Variants in NRXN3 observed in about 807,000 individuals in gnomAD.
NRXN3 encodes the protein neurexin 3, also known as neurexin III.
NRXN3 carries 32 observed loss-of-function variants against 137.6 expected under a neutral mutation model. That is an observed-to-expected ratio of 0.23 (90% CI 0.18 to 0.31). NRXN3 has a LOEUF of 0.31. Ranked by LOEUF, NRXN3 falls within the 10% of genes least tolerant of loss-of-function variation. The pLI, the probability that NRXN3 is intolerant of heterozygous loss-of-function variation, is 1.00. For missense variants in NRXN3, 1,574 were observed against 2,062.5 expected, an observed-to-expected ratio of 0.76 and a Z score of 4.59; for synonymous variants, 798 against 784.5, an observed-to-expected ratio of 1.02 and a Z score of -0.29.
chr14:78,493,652 T>C (rs998444721), intron 4 of NRXN3, among the ~76,000 whole-genome samples: 2 of 152,138 alleles, frequency 1.3e-5, no homozygotes, highest in African/African-American at 4.8e-5. Flanking sequence ...ATCCTGCTGG[T>C]ATTTAATGGA....
intron 4 of NRXN3, among the ~76,000 whole-genome samples, chr14:78,589,543 C>T (rs891255537): frequency 6.6e-6 from 1 of 152,224 alleles, no homozygotes; most frequent in African/African-American, 2.4e-5. Flanking sequence ...CCCCTCCTGC[C>T]TCTGGCGGTC....
chr14:79,262,038 AAC>A (rs1181653277), intron 15 of NRXN3, among the ~76,000 whole-genome samples: 5 of 152,066 alleles, frequency 3.3e-5, no homozygotes, highest in Non-Finnish European at 7.4e-5. Flanking sequence ...AGAGAAGGGA[AAC>A]ACAGGGGAAG....
intron 15 of NRXN3, among the ~76,000 whole-genome samples, chr14:79,350,975 A>G (rs2093178281): frequency 6.6e-6 from 1 of 152,216 alleles, no homozygotes; most frequent in Admixed American, 6.5e-5. Flanking sequence ...CTCAATTTAC[A>G]GAAGAAGAAA....
chr14:78,882,445 C>G (rs1392564204), intron 10 of NRXN3, among the ~76,000 whole-genome samples: 1 of 151,778 alleles, frequency 6.6e-6, no homozygotes, highest in Non-Finnish European at 1.5e-5. Context: ...GCAGTGCTGT[C>G]CAAGCCATGG....
intron 10 of NRXN3, among the ~76,000 whole-genome samples, chr14:78,871,330 A>G (rs183645575): frequency 6.6e-6 from 1 of 152,066 alleles, no homozygotes; most frequent in East Asian, 1.9e-4. Flanking sequence ...AATATGTCTG[A>G]AAATCTCTCA....
chr14:79,157,142 C>T lies in NRXN3; in HGVS notation c.3262+169001C>T, dbSNP rs11623426. Among the ~76,000 whole-genome samples the T allele has an allele frequency of 3.7e-3, 561 of 151,918 alleles. 3 individuals carry two copies. Among genetic ancestry groups the T allele is most frequent in the Middle Eastern group, 0.01 (3 of 294 alleles). On this transcript the variant is annotated intron_variant, in intron 15 of 20. Transcript: ENST00000335750. Reference sequence around the variant, plus strand: ...TTGTCCTTTAGTAAAGGTTCCTTCTCTGCTTAGAGACAGGACATGCTTAGA... The same window carrying T: ...TTGTCCTTTAGTAAAGGTTCCTTCTTTGCTTAGAGACAGGACATGCTTAGA...
intron 15 of NRXN3, among the ~76,000 whole-genome samples, chr14:79,450,774 G>A (rs942739644): frequency 9.2e-5 from 14 of 151,882 alleles, no homozygotes; most frequent in African/African-American, 2.9e-4. Context: ...GCTGAGGCAC[G>A]AGAATCACTT....
chr14:79,606,360 G>T (rs111563805), intron 16 of NRXN3, among the ~76,000 whole-genome samples: 1 of 152,318 alleles, frequency 6.6e-6, no homozygotes, highest in African/African-American at 2.4e-5. Flanking sequence ...AGTTAGAAGT[G>T]GCTGTGAGAT....
intron 16 of NRXN3, chr14:79,632,263 A>G (rs2098360911): frequency 6.5e-6 from 1 of 153,470 alleles, no homozygotes; most frequent in Admixed American, 6.5e-5. Context: ...CATCTTTAAG[A>G]ACTGTAACAC....
intron 15 of NRXN3, among the ~76,000 whole-genome samples, chr14:79,450,364 A>G (rs1209863239): frequency 1.3e-5 from 2 of 152,202 alleles, no homozygotes; most frequent in Non-Finnish European, 1.5e-5. Flanking sequence ...TCTATTGCAT[A>G]GCATGGTGAC....
At chr14:79,547,888 A>G (rs1330534640) in intron 16 of NRXN3, among the ~76,000 whole-genome samples, 1 of 152,234 alleles carries the variant, frequency 6.6e-6, no homozygotes. Flanking sequence ...ATCCATGCAA[A>G]CACAGTGGAC....
chr14:79,295,214 A>G (rs1460692008), intron 15 of NRXN3, among the ~76,000 whole-genome samples: 7 of 151,794 alleles, frequency 4.6e-5, no homozygotes, highest in Non-Finnish European at 1.0e-4. Flanking sequence ...TGCTACTACC[A>G]TAGTGCCTTT....
chr14:78,203,457 C>T (rs181461742), intron 1 of NRXN3, among the ~76,000 whole-genome samples: 5 of 152,210 alleles, frequency 3.3e-5, no homozygotes, highest in Admixed American at 1.3e-4. Context: ...TTCAGCTGCT[C>T]GGCTCAGTTT....
At chr14:79,264,950 C>A (rs1469156059) in intron 15 of NRXN3, among the ~76,000 whole-genome samples, 1 of 151,580 alleles carries the variant, frequency 6.6e-6, no homozygotes. Context: ...CATATACACG[C>A]ATGTATATAT....
At chr14:79,630,535 G>A (rs370508320) in intron 16 of NRXN3, among the ~76,000 whole-genome samples, 6 of 152,162 alleles carry the variant, frequency 3.9e-5, no homozygotes, top group Admixed American at 2.0e-4. Context: ...GAAGACTGAC[G>A]GACATTTATT....
intron 16 of NRXN3, among the ~76,000 whole-genome samples, chr14:79,477,955 G>GTT (rs1467547298): frequency 6.6e-6 from 1 of 151,830 alleles, no homozygotes; most frequent in East Asian, 1.9e-4. Flanking sequence ...ACAGATAAGA[G>GTT]TTTGACTTTA....
chr14:79,415,793 C>T (rs1214309689), intron 15 of NRXN3, among the ~76,000 whole-genome samples: 2 of 152,088 alleles, frequency 1.3e-5, no homozygotes, highest in Non-Finnish European at 2.9e-5. Context: ...AGTGGCCAAT[C>T]ACCCTATCCC....
At chr14:79,803,450 A>ACTAT (rs1179152229) in intron 19 of NRXN3, among the ~76,000 whole-genome samples, 2 of 152,076 alleles carry the variant, frequency 1.3e-5, no homozygotes, top group African/African-American at 4.8e-5. Context: ...CTTGCAGATG[A>ACTAT]CTATCTGCCA....
At position 78,480,254 on chromosome 14, in the gene NRXN3, A is replaced by T. The variant is rs1464945720; in HGVS notation, c.758-164866A>T. Reference sequence around the variant, plus strand: ...ATATAGTGGCTGCAATTCTCATTGCATCTGAGATGTTCAAGAGGTAACTTT... The same window carrying T: ...ATATAGTGGCTGCAATTCTCATTGCTTCTGAGATGTTCAAGAGGTAACTTT... On this transcript the variant is annotated intron_variant, in intron 4 of 20. Transcript: ENST00000335750. Among the ~76,000 whole-genome samples the T allele has an allele frequency of 2.0e-5, 3 of 152,244 alleles. No individual in the cohort carries two copies. In the East Asian group the frequency reaches 5.8e-4, roughly 29 times the overall value.
Sources: gnomAD v4.1 joint callset for allele counts (sites outside exome capture counted in the v4.1 genomes callset) on GRCh38, gnomAD v4.1.1 for gene constraint, MANE v1.5 for transcripts, NCBI Gene and HGNC (gene_info 2026-07-23, HGNC 2026-07-21) for gene names.